The following ZNF624 variants were observed in gnomAD, a reference collection of about 807,000 sequenced individuals.
ZNF624 encodes the protein zinc finger protein 624.
ZNF624 carries 43 observed loss-of-function variants against 74.7 expected under a neutral mutation model. The ratio of observed to expected loss-of-function variants is 0.58; its 90% CI spans 0.45 to 0.74. The LOEUF (loss-of-function observed/expected upper bound fraction) is 0.74. ZNF624 is among the 30% of genes least tolerant of loss of function. ZNF624 has a pLI of 0.00. For synonymous variants in ZNF624, 331 were observed against 341.3 expected (o/e 0.97, Z 0.33); for missense variants, 820 against 1,030.0 (o/e 0.80, Z 2.79).
intron 2 of ZNF624, 124 bp downstream of exon 2, chr17:16,649,533 TG>T: frequency 1.3e-6 from 1 of 773,376 alleles, no homozygotes. Flanking sequence ...CCAATTTTCA[TG>T]GGTCTATTTA....
chr17:16,631,232 TA>T (rs1316588310), intron 5 of ZNF624: 1 of 151,924 alleles, frequency 6.6e-6, no homozygotes, highest in African/African-American at 2.4e-5. Flanking sequence ...AGATGCTACA[TA>T]AAAAAGTGTG....
chr17:16,649,640 C>T lies in ZNF624; in HGVS notation c.87+18G>A. On this transcript the variant is annotated intron_variant, in intron 2 of 5. Transcript: ENST00000311331. ...TCAAACCAAGATAGTAGGTCAAAAA[C>T]AGGGAATCCCAACTTACCAGGCGTC... 6.2e-7 allele frequency: 1 copy of T among 1,611,766 alleles called. No individual in the cohort carries two copies. The highest frequency in any genetic ancestry group is 8.5e-7 in the Non-Finnish European group (1 of 1,177,940).
chr17:16,623,066 G>A lies in ZNF624; in HGVS notation c.1820C>T (p.Thr607Ile). 6.2e-7 allele frequency: 1 copy of A among 1,614,052 alleles called. No homozygotes were observed. The highest frequency in any genetic ancestry group is 8.5e-7 in the Non-Finnish European group (1 of 1,179,962). ...SHLTVHQRIHTGEKPYKCTDC... is the reference protein window; with the variant it reads ...SHLTVHQRIHIGEKPYKCTDC... The stretch of plus-strand genomic sequence containing the variant: ...AGTACATTTATATGGTTTCTCTCCA[G>A]TGTGAATTCTCTGATGTACAGTTAA... Residue 607 changes from threonine (T) to isoleucine (I), a missense_variant, in exon 6 of 6, where the codon ACT (threonine) becomes ATT (isoleucine). Physicochemically the swap from Thr to Ile is moderately conservative, Grantham distance 89 (BLOSUM62 -1). Coordinates refer to ENST00000311331, the MANE Select transcript of ZNF624 (RefSeq NM_020787.4). This position sits in a 1 kb window ranked among gnomAD's most constrained non-coding sequence, Gnocchi z 5.3.
intron 1 of ZNF624, among the ~76,000 whole-genome samples, chr17:16,650,152 GA>G (rs970060191): frequency 6.6e-6 from 1 of 151,530 alleles, no homozygotes; most frequent in Non-Finnish European, 1.5e-5. Context: ...TGTGAAGTAC[GA>G]AAAAAAATAC....
chr17:16,618,009 A>G (rs1908828231), downstream of ZNF624: 1 of 614,874 alleles, frequency 1.6e-6, no homozygotes, highest in Admixed American at 2.9e-5. Context: ...GGCCGAGTCC[A>G]GCCACACAAT....
At chr17:16,615,547 ATAATT>A in the ZNF624 span, among the ~76,000 whole-genome samples, 1 of 152,194 alleles carries the variant, frequency 6.6e-6, no homozygotes, top group Non-Finnish European at 1.5e-5. Context: ...ATCAAACCAC[ATAATT>A]TAGAGTAACA....
At position 16,624,289 on chromosome 17, in the gene ZNF624, A is replaced by C; in HGVS notation, c.597T>G (p.Ser199Arg). ...TAGATTCAAATCTAAAGCCTCTTTG[A>C]CTAGTGGGAGTCTTCTTGAGTGGAA... is the stretch of plus-strand genomic sequence containing the variant. ...RIIPLKKTPT[S>R]QRGFRFESIL... The change falls in exon 6 of 6, where the codon AGT becomes AGG. Residue 199 changes from serine (S) to arginine (R), a missense_variant. By Grantham distance (110) the Ser-to-Arg change is moderately radical. Transcript: ENST00000311331. The C allele has an allele frequency of 6.2e-7, 1 of 1,613,934 alleles. No homozygotes were observed. The highest frequency in any genetic ancestry group is 8.5e-7 in the Non-Finnish European group (1 of 1,179,966).
At chr17:16,636,344 T>C (rs1569045048) in intron 3 of ZNF624, among the ~76,000 whole-genome samples, 1 of 152,138 alleles carries the variant, frequency 6.6e-6, no homozygotes. Flanking sequence ...TGAGGGAAGG[T>C]TTCTCTTTAT....
In ZNF624 at chr17:16,622,701, A is replaced by AG; in HGVS notation, c.2184dup (p.Cys729LeufsTer6). 1 of 1,613,938 alleles carries AG rather than the reference A, an allele frequency of 6.2e-7. No homozygotes were observed. The highest frequency in any genetic ancestry group is 8.5e-7 in the Non-Finnish European group (1 of 1,179,972). On this transcript the variant is annotated frameshift_variant, in exon 6 of 6. Coordinates refer to ENST00000311331, the MANE Select transcript of ZNF624 (RefSeq NM_020787.4). LOFTEE classifies it high-confidence loss of function. ...ACCATCTGGCTAAATGCTTTCCCAC[A>AG]GTCATTACATTTAAATGGTTTCTCT... is the stretch of plus-strand genomic sequence containing the variant.
chr17:16,627,160 T>C (rs1295761762), intron 5 of ZNF624, among the ~76,000 whole-genome samples: 5 of 152,094 alleles, frequency 3.3e-5, no homozygotes, highest in African/African-American at 9.7e-5. Flanking sequence ...CAAAAGAATA[T>C]GAAGTTGGAA....
chr17:16,647,855 C>T (rs1909630535), intron 2 of ZNF624, among the ~76,000 whole-genome samples: 1 of 152,150 alleles, frequency 6.6e-6, no homozygotes, highest in South Asian at 2.1e-4. Flanking sequence ...TTTCAGCAAC[C>T]TCTCATAACA....
chr17:16,645,016 T>C (rs1440158295), intron 3 of ZNF624, among the ~76,000 whole-genome samples: 1 of 152,242 alleles, frequency 6.6e-6, no homozygotes, highest in Non-Finnish European at 1.5e-5. Flanking sequence ...TCCAAGGAAA[T>C]AGGACTCCAG....
At chr17:16,617,446 G>A (rs1021181635), downstream of ZNF624, 2 of 1,612,214 alleles carry the variant, frequency 1.2e-6, no homozygotes, top group East Asian at 4.5e-5. Flanking sequence ...ACCCTCATTT[G>A]TTCCTTCCTT....
intron 5 of ZNF624, 148 bp downstream of exon 5, chr17:16,633,714 A>T: frequency 1.8e-6 from 1 of 554,804 alleles, no homozygotes; most frequent in Non-Finnish European, 3.2e-6. Context: ...TGGGGGTGAG[A>T]GGGACAGGCA....
intron 5 of ZNF624, among the ~76,000 whole-genome samples, chr17:16,629,236 C>CT (rs543784903): frequency 2.0e-4 from 25 of 127,412 alleles, no homozygotes; most frequent in African/African-American, 2.8e-4. Flanking sequence ...GTCTCTCTCT[C>CT]TTTTTTTTTT....
intron 5 of ZNF624, among the ~76,000 whole-genome samples, chr17:16,632,734 C>T (rs899949898): frequency 5.3e-5 from 8 of 152,196 alleles, no homozygotes; most frequent in Non-Finnish European, 1.5e-5. Flanking sequence ...TTACTGCCTG[C>T]TTTATGCCTC....
At chr17:16,632,700 A>G (rs1909234320) in intron 5 of ZNF624, among the ~76,000 whole-genome samples, 1 of 152,250 alleles carries the variant, frequency 6.6e-6, no homozygotes. Flanking sequence ...TCTCCTGGAT[A>G]GACTATTGTA....
chr17:16,650,914 C>T (rs1246270444), intron 1 of ZNF624, among the ~76,000 whole-genome samples: 1 of 152,030 alleles, frequency 6.6e-6, no homozygotes. Context: ...CTTAATCTAA[C>T]CTTACAGTGT....
rs1375693343 is a variant in ZNF624, at chr17:16,621,287, C to A, written c.*1001G>T. ...TATGTCACAATTTATCTAACCAGTT[C>A]CCTATTAATGGGCATTCACTTTGTT... On this transcript the variant is annotated 3_prime_UTR_variant, in exon 6 of 6. Transcript: ENST00000311331. 6.6e-6 allele frequency: 1 copy of A among 152,222 alleles called. No individual in the cohort carries two copies. Among genetic ancestry groups the A allele is most frequent in the African/African-American group, 2.4e-5 (1 of 41,456 alleles). The allele number at this position is 152,222 out of a possible 1,614,324, so 9.4% of individuals were successfully genotyped here.
Sources: allele counts gnomAD v4.1 joint callset (sites outside exome capture counted in the v4.1 genomes callset), GRCh38; gene constraint gnomAD v4.1.1; non-coding constraint Gnocchi (gnomAD v3.1); transcripts MANE v1.5; gene names NCBI Gene and HGNC (gene_info 2026-07-23, HGNC 2026-07-21).